The following FAT3 variants were observed in gnomAD, a reference collection of about 807,000 sequenced individuals.
FAT3 encodes the protein protocadherin Fat 3.
Under a neutral mutation model 310.2 loss-of-function variants are expected in FAT3, and 95 were observed. The ratio of observed to expected loss-of-function variants is 0.31; its 90% CI spans 0.26 to 0.36. The LOEUF is 0.36. Ranked by LOEUF, FAT3 falls within the 10% of genes least tolerant of loss-of-function variation. The pLI, the probability that FAT3 is intolerant of heterozygous loss-of-function variation, is 1.00. For missense variants in FAT3, 5,408 were observed against 5,715.6 expected, an observed-to-expected ratio of 0.95 and a Z score of 1.74; for synonymous variants, 2,314 against 2,192.9, an observed-to-expected ratio of 1.06 and a Z score of -1.54.
At chr11:92,673,775 G>A (rs1943202405) in intron 3 of FAT3, among the ~76,000 whole-genome samples, 1 of 152,096 alleles carries the variant, frequency 6.6e-6, no homozygotes, top group African/African-American at 2.4e-5. Flanking sequence ...CAGGAGTCTG[G>A]AATGGAGATG....
chr11:92,889,394 T>G, intron 26 of FAT3, 146 bp downstream of exon 26: 1 of 418,080 alleles, frequency 2.4e-6, no homozygotes. Context: ...GGATCTGTTT[T>G]AAAATTTTGA....
At chr11:92,360,940 T>C (rs1236205305) in intron 2 of FAT3, among the ~76,000 whole-genome samples, 1 of 152,228 alleles carries the variant, frequency 6.6e-6, no homozygotes, top group Non-Finnish European at 1.5e-5. Context: ...ATTGTCCTTC[T>C]TTTCCAGTCC....
chr11:92,269,504 G>A (rs1946064505), intron 1 of FAT3, among the ~76,000 whole-genome samples: 1 of 152,152 alleles, frequency 6.6e-6, no homozygotes, highest in Non-Finnish European at 1.5e-5. Flanking sequence ...TGAACAAGCA[G>A]AACTTTTTTG....
intron 6 of FAT3, among the ~76,000 whole-genome samples, chr11:92,772,026 C>A (rs1565582045): frequency 6.6e-6 from 1 of 152,098 alleles, no homozygotes; most frequent in Non-Finnish European, 1.5e-5. Flanking sequence ...CATCTTTAAA[C>A]TGGAGCAAAC....
intron 3 of FAT3, among the ~76,000 whole-genome samples, chr11:92,574,698 A>G (rs1218719240): frequency 6.6e-6 from 1 of 152,096 alleles, no homozygotes; most frequent in Non-Finnish European, 1.5e-5. Context: ...CTTCTAGTAA[A>G]CATTCTGGAC....
intron 1 of FAT3, among the ~76,000 whole-genome samples, chr11:92,338,345 A>G (rs1948146854): frequency 2.0e-5 from 3 of 152,198 alleles, no homozygotes. Flanking sequence ...TTCTTAGTTT[A>G]AGGCTTATCA....
intron 4 of FAT3, among the ~76,000 whole-genome samples, chr11:92,758,242 T>C (rs771771090): frequency 3.3e-5 from 5 of 152,070 alleles, no homozygotes; most frequent in Non-Finnish European, 7.4e-5. Context: ...TCTAGAAGGA[T>C]TGAATGGAGA....
chr11:92,563,728 A>T (rs950664149), intron 3 of FAT3, among the ~76,000 whole-genome samples: 3 of 152,186 alleles, frequency 2.0e-5, no homozygotes, highest in African/African-American at 7.2e-5. Flanking sequence ...GTGGGGGCCA[A>T]AATTCAACAT....
At position 92,847,171 on chromosome 11, in the gene FAT3, C is replaced by T. The variant is rs149684154; in HGVS notation, c.11365+2439C>T. Among the ~76,000 whole-genome samples, 166 of 152,312 alleles carry T rather than the reference C, an allele frequency of 1.1e-3. 1 individual carries two copies. Among genetic ancestry groups the T allele is most frequent in the African/African-American group, 3.8e-3 (156 of 41,566 alleles). On this transcript the variant is annotated intron_variant, in intron 19 of 27. Transcript: ENST00000525166. ...AATATAGTCATGCATGGCATAACAA[C>T]GTTTCATCAACAAGGGACCATGTAT...
At chr11:92,358,371 A>G (rs1948789627) in intron 2 of FAT3, among the ~76,000 whole-genome samples, 2 of 152,040 alleles carry the variant, frequency 1.3e-5, no homozygotes, top group Admixed American at 6.6e-5. Context: ...TTGAACCCAC[A>G]TCTCCTCAAT....
chr11:92,474,272 T>C (rs1184019069), intron 2 of FAT3, among the ~76,000 whole-genome samples: 4 of 152,220 alleles, frequency 2.6e-5, no homozygotes, highest in Non-Finnish European at 5.9e-5. Context: ...CAAGGACATA[T>C]TTCTTCATGA....
intron 13 of FAT3, among the ~76,000 whole-genome samples, chr11:92,827,236 C>T (rs929925517): frequency 1.1e-4 from 16 of 152,264 alleles, no homozygotes; most frequent in African/African-American, 3.9e-4. Flanking sequence ...TTCCTTCCAT[C>T]CTGAAGATTC....
chr11:92,409,666 G>T (rs1027098773), intron 2 of FAT3, among the ~76,000 whole-genome samples: 6 of 152,138 alleles, frequency 3.9e-5, no homozygotes, highest in African/African-American at 1.4e-4. Flanking sequence ...GTATTCAAAA[G>T]AAACCCTTTA....
intron 2 of FAT3, among the ~76,000 whole-genome samples, chr11:92,369,598 C>A (rs185633671): frequency 2.0e-5 from 3 of 152,024 alleles, no homozygotes; most frequent in Non-Finnish European, 2.9e-5. Flanking sequence ...TAGGTCAAGG[C>A]GGGCAGATCA....
intron 1 of FAT3, among the ~76,000 whole-genome samples, chr11:92,293,245 G>T (rs1027383088): frequency 2.0e-5 from 3 of 151,486 alleles, no homozygotes; most frequent in East Asian, 1.9e-4. Context: ...GGCCATGGAG[G>T]GGGGATGAGC....
rs1195129118 is a variant in FAT3, at chr11:92,352,468, G to C, written c.356G>C (p.Arg119Thr). The C allele has an allele frequency of 6.2e-7, 1 of 1,612,596 alleles. No individual in the cohort carries two copies. The highest frequency in any genetic ancestry group is 8.5e-7 in the Non-Finnish European group (1 of 1,179,594). Residue 119 changes from arginine to threonine, a missense_variant, in exon 2 of 28, where the codon AGG (arginine) becomes ACG (threonine). By Grantham distance (71) the Arg-to-Thr change is moderately conservative. Around this residue, in one of 5 missense-constraint regions of FAT3, gnomAD observed 152 missense variants for 188.3 expected, o/e 0.81. Coordinates refer to ENST00000525166, the MANE Select transcript of FAT3 (RefSeq NM_001367949.2). ...TKGGNSAILN[R>T]EIQDNYLLIV... ...GGTGGCAATTCTGCCATATTAAATA[G>C]GGAAATCCAGGATAATTATTTATTG...
At chr11:92,787,884 A>C (rs142979902) in intron 7 of FAT3, among the ~76,000 whole-genome samples, 19 of 152,130 alleles carry the variant, frequency 1.2e-4, no homozygotes, top group African/African-American at 4.3e-4. Context: ...GGAGATACCA[A>C]TGTAAAAATA....
intron 22 of FAT3, among the ~76,000 whole-genome samples, chr11:92,872,755 A>C (rs1010420922): frequency 2.6e-5 from 4 of 152,214 alleles, no homozygotes; most frequent in African/African-American, 7.2e-5. Context: ...CAGCTTTCCT[A>C]GGGAAAAAGT....
At chr11:92,422,275 T>G (rs1950547542) in intron 2 of FAT3, among the ~76,000 whole-genome samples, 1 of 152,188 alleles carries the variant, frequency 6.6e-6, no homozygotes, top group Admixed American at 6.5e-5. Context: ...ACTCACTTAT[T>G]CCTGAAATGG....
Sources: gnomAD v4.1 joint callset for allele counts (sites outside exome capture counted in the v4.1 genomes callset) on GRCh38, gnomAD v4.1.1 for gene constraint, gnomAD v4.1.1 regional missense constraint, MANE v1.5 for transcripts, NCBI Gene and HGNC (gene_info 2026-07-23, HGNC 2026-07-21) for gene names.